The following CTNNA2 variants were observed in gnomAD, a reference collection of about 807,000 sequenced individuals.
CTNNA2 encodes catenin alpha 2.
Under a neutral mutation model 101.0 loss-of-function variants are expected in CTNNA2, and 42 were observed. The observed-to-expected ratio is 0.42, with a 90% CI of 0.32 to 0.54. The LOEUF (loss-of-function observed/expected upper bound fraction) is 0.54, where lower values mean the gene tolerates loss of function less well. CTNNA2 is among the 20% of genes least tolerant of loss of function. The pLI is 0.14. For synonymous variants in CTNNA2, 450 were observed against 456.4 expected, an observed-to-expected ratio of 0.99 and a Z score of 0.18; for missense variants, 871 against 1,223.1, an observed-to-expected ratio of 0.71 and a Z score of 4.29.
chr2:79,701,580 G>A (rs1336371910), intron 2 of CTNNA2, among the ~76,000 whole-genome samples: 1 of 152,142 alleles, frequency 6.6e-6, no homozygotes, highest in East Asian at 1.9e-4. Flanking sequence ...CAATCTCACT[G>A]GTCCTATGAT....
At position 80,648,177 on chromosome 2, in the gene CTNNA2, T is replaced by TA; in HGVS notation, c.*308dup. ...ATGGGAGTGGGAGGGATGGGGAAAA[T>TA]AAACTTAACTCTACAAAAGCAAACT... On this transcript the variant is annotated 3_prime_UTR_variant, in exon 19 of 19. Coordinates refer to ENST00000402739, the MANE Select transcript of CTNNA2 (RefSeq NM_001282597.3). 1 of 204,492 alleles carries TA rather than the reference T, an allele frequency of 4.9e-6. No individual in the cohort carries two copies. The highest frequency in any genetic ancestry group is 1.6e-4 in the South Asian group (1 of 6,390). 12.7% of individuals were successfully genotyped at this position (204,492 alleles called of 1,614,324 possible). A position where few individuals can be genotyped will look rare whatever the true frequency, so the allele number is the denominator to read the frequency against.
chr2:79,456,924 G>A (rs918777623), intron 4 of CTNNA2, among the ~76,000 whole-genome samples: 1 of 152,080 alleles, frequency 6.6e-6, no homozygotes, highest in Non-Finnish European at 1.5e-5. Context: ...GAATTCGGCC[G>A]GGCATGGTGG....
At chr2:79,459,904 C>G (rs17017165) in intron 4 of CTNNA2, among the ~76,000 whole-genome samples, 5,910 of 152,218 alleles carry the variant, frequency 0.039, 367 homozygotes, top group African/African-American at 0.13. Context: ...AAACAACAGT[C>G]TAAAATTATA....
At chr2:80,620,697 C>T (rs1356662446) in intron 18 of CTNNA2, among the ~76,000 whole-genome samples, 3 of 151,926 alleles carry the variant, frequency 2.0e-5, no homozygotes, top group Non-Finnish European at 2.9e-5. Flanking sequence ...AAGTACTAGA[C>T]CCCTGAAACC....
intron 3 of CTNNA2, among the ~76,000 whole-genome samples, chr2:79,347,338 A>G (rs1176879621): frequency 6.6e-6 from 1 of 152,180 alleles, no homozygotes; most frequent in Non-Finnish European, 1.5e-5. Flanking sequence ...GACATCTACA[A>G]GGTGAATTAC....
chr2:79,815,226 G>C (rs1677394542), intron 3 of CTNNA2, among the ~76,000 whole-genome samples: 1 of 152,132 alleles, frequency 6.6e-6, no homozygotes, highest in Non-Finnish European at 1.5e-5. Flanking sequence ...TGGTTTGTCT[G>C]TTTACTCTGC....
chr2:79,893,625 T>C (rs1684457383), intron 6 of CTNNA2, among the ~76,000 whole-genome samples: 1 of 152,176 alleles, frequency 6.6e-6, no homozygotes, highest in Non-Finnish European at 1.5e-5. Flanking sequence ...TATTAGAGAA[T>C]AATATGCTAG....
At chr2:80,582,892 A>AGAT (rs1370245640) in intron 14 of CTNNA2, among the ~76,000 whole-genome samples, 1 of 152,176 alleles carries the variant, frequency 6.6e-6, no homozygotes, top group Non-Finnish European at 1.5e-5. Flanking sequence ...GACTTGAGGG[A>AGAT]GATGTTTAGT....
chr2:79,299,096 C>A lies in CTNNA2; in HGVS notation c.-405-13613C>A, dbSNP rs146725307. 2.2e-4 allele frequency among the ~76,000 whole-genome samples: 33 copies of A among 152,300 alleles called. No homozygotes were observed. In the East Asian group the frequency reaches 6.2e-3, roughly 29 times the overall value. ...TAAATGGGGTCCCCAAGCTTCAACT[C>A]ATAGGTTTAGTATCGTCTGGAGCTT... On this transcript the variant is annotated intron_variant, in intron 2 of 21. Transcript: ENST00000466387.
chr2:80,260,404 G>C (rs555154589), intron 7 of CTNNA2, among the ~76,000 whole-genome samples: 1 of 152,142 alleles, frequency 6.6e-6, no homozygotes, highest in African/African-American at 2.4e-5. Context: ...TCATTTACTG[G>C]TATCTACAAC....
chr2:79,333,469 T>A (rs775776980), intron 3 of CTNNA2, among the ~76,000 whole-genome samples: 6 of 152,156 alleles, frequency 3.9e-5, no homozygotes, highest in Non-Finnish European at 7.4e-5. Context: ...TTGGCTGCAA[T>A]TCTTCCTCAC....
chr2:79,209,026 T>C (rs889285469), intron 2 of CTNNA2, among the ~76,000 whole-genome samples: 3 of 152,062 alleles, frequency 2.0e-5, no homozygotes, highest in African/African-American at 7.2e-5. Flanking sequence ...TTAAAGGATA[T>C]TCATGTAGGT....
intron 13 of CTNNA2, among the ~76,000 whole-genome samples, chr2:80,579,855 C>A (rs541180140): frequency 6.6e-6 from 1 of 152,294 alleles, no homozygotes; most frequent in Non-Finnish European, 1.5e-5. Context: ...AAGAAACCAG[C>A]AGAATAAAAA....
At chr2:80,399,236 A>G (rs574122212) in intron 8 of CTNNA2, among the ~76,000 whole-genome samples, 22 of 152,190 alleles carry the variant, frequency 1.4e-4, no homozygotes, top group African/African-American at 4.6e-4. Flanking sequence ...CTGATAAAAC[A>G]ACCCTAAATG....
At chr2:80,533,154 T>C (rs1323993861) in intron 9 of CTNNA2, among the ~76,000 whole-genome samples, 1 of 152,186 alleles carries the variant, frequency 6.6e-6, no homozygotes, top group Non-Finnish European at 1.5e-5. Flanking sequence ...ATATAATAAA[T>C]AATGGATAAG....
chr2:80,625,391 A>G (rs4852181), intron 18 of CTNNA2, among the ~76,000 whole-genome samples: 4 of 152,028 alleles, frequency 2.6e-5, no homozygotes, highest in Admixed American at 6.6e-5. Flanking sequence ...AGGAAATACT[A>G]TCATCCCCAT....
intron 2 of CTNNA2, among the ~76,000 whole-genome samples, chr2:79,706,069 A>C (rs1685338199): frequency 6.6e-6 from 1 of 152,108 alleles, no homozygotes; most frequent in African/African-American, 2.4e-5. Flanking sequence ...TCTTACTAAA[A>C]ATTAGCATGT....
At chr2:80,432,173 C>A (rs529485343) in intron 9 of CTNNA2, among the ~76,000 whole-genome samples, 75 of 152,182 alleles carry the variant, frequency 4.9e-4, no homozygotes, top group African/African-American at 1.8e-3. Context: ...CCTTGAATAA[C>A]ATCGTTTTGC....
chr2:79,194,972 C>T (rs184513153), intron 1 of CTNNA2, among the ~76,000 whole-genome samples: 65 of 152,214 alleles, frequency 4.3e-4, no homozygotes, highest in African/African-American at 1.5e-3. Flanking sequence ...TTTGGATTTT[C>T]CAAGCCCTGC....
Sources: gnomAD v4.1 joint callset for allele counts (sites outside exome capture counted in the v4.1 genomes callset) on GRCh38, gnomAD v4.1.1 for gene constraint, MANE v1.5 for transcripts, NCBI Gene and HGNC (gene_info 2026-07-23, HGNC 2026-07-21) for gene names.